The following EPS8 variants were observed in gnomAD, a reference collection of about 807,000 sequenced individuals.
The protein encoded by EPS8 is epidermal growth factor receptor kinase substrate 8.
A neutral mutation model predicts 103.8 loss-of-function variants in EPS8; 42 were observed. The ratio of observed to expected loss-of-function variants is 0.40; its 90% confidence interval spans 0.32 to 0.52. EPS8 has a LOEUF of 0.52. Ranked by LOEUF, EPS8 falls within the 20% of genes least tolerant of loss-of-function variation. EPS8 has a pLI of 0.40. For synonymous variants in EPS8, 344 were observed against 344.6 expected (o/e 1.00, Z 0.02); for missense variants, 969 against 1,005.1 (o/e 0.96, Z 0.49).
chr12:15,634,041 A>C (rs1034896073), intron 17 of EPS8, among the ~76,000 whole-genome samples: 17 of 152,186 alleles, frequency 1.1e-4, no homozygotes, highest in Non-Finnish European at 2.9e-5. Flanking sequence ...CAGTTTACGT[A>C]ATGTCTTGGA....
In EPS8 at chr12:15,690,417, A is replaced by G. The variant is rs376799883; in HGVS notation, c.-21-7445T>C. 6.4e-4 allele frequency among the ~76,000 whole-genome samples: 98 copies of G among 152,298 alleles called. No individual in the cohort carries two copies. The South Asian group carries it at 7.7e-3, about 12-fold the overall frequency. ...CTTTCTAGTGTATTATAATGCACAT[A>G]CTTACACTACCCCCAAACTACTTCT... On this transcript the variant is annotated intron_variant, in intron 1 of 20. Transcript: ENST00000281172. The surrounding 1 kb of genome is among the most constrained non-coding windows in gnomAD (Gnocchi z 4.7).
chr12:15,687,552 A>T (rs570463888), intron 1 of EPS8, among the ~76,000 whole-genome samples: 1 of 152,316 alleles, frequency 6.6e-6, no homozygotes, highest in South Asian at 2.1e-4. Flanking sequence ...AAAGTCTATG[A>T]TCAAATCAGA....
At chr12:15,647,329 A>G in intron 14 of EPS8, 69 bp from the exon 15 acceptor site, 1 of 1,364,874 alleles carries the variant, frequency 7.3e-7, no homozygotes, top group Non-Finnish European at 1.0e-6. Context: ...AGGTCAGTCA[A>G]CAAGATCTCT....
intron 13 of EPS8, among the ~76,000 whole-genome samples, chr12:15,652,917 C>T (rs1009650948): frequency 6.6e-6 from 1 of 151,890 alleles, no homozygotes; most frequent in African/African-American, 2.4e-5. Flanking sequence ...GTCTAAGTGG[C>T]CATACTAAGT....
At chr12:15,687,353 C>T (rs1946110190) in intron 1 of EPS8, among the ~76,000 whole-genome samples, 1 of 152,076 alleles carries the variant, frequency 6.6e-6, no homozygotes, top group African/African-American at 2.4e-5. Flanking sequence ...TGGTTAATGC[C>T]TGTGAAGGTA....
chr12:15,646,982 T>C (rs1345411170), intron 15 of EPS8, 145 bp downstream of exon 15: 2 of 739,986 alleles, frequency 2.7e-6, no homozygotes, highest in South Asian at 3.4e-5. Context: ...ACCAGTTCTC[T>C]AAAGGAACAA....
chr12:15,690,112 A>T lies in EPS8; in HGVS notation c.-21-7140T>A, dbSNP rs995053480. 2.0e-5 allele frequency among the ~76,000 whole-genome samples: 3 copies of T among 152,226 alleles called. No individual in the cohort carries two copies. Among genetic ancestry groups the T allele is most frequent in the Non-Finnish European group, 4.4e-5 (3 of 68,036 alleles). Reference sequence around the variant, plus strand: ...CTCTGCATCACCTAGAGCAAAGGACATTAAGCAGCAAACAAAATACTGCAG... The same window carrying T: ...CTCTGCATCACCTAGAGCAAAGGACTTTAAGCAGCAAACAAAATACTGCAG... On this transcript the variant is annotated intron_variant, in intron 1 of 20. Transcript: ENST00000281172. The surrounding 1 kb of genome is among the most constrained non-coding windows in gnomAD (Gnocchi z 4.7).
intron 8 of EPS8, among the ~76,000 whole-genome samples, chr12:15,663,941 A>AATAATAAT (rs1555112152): frequency 5.5e-5 from 4 of 73,276 alleles, no homozygotes; most frequent in Non-Finnish European, 1.0e-4. Context: ...AAAAAAAAAA[A>AATAATAAT]AAAAATAATA....
rs1027956185 is a variant in EPS8 at position 15,771,088 on chromosome 12, T to C, written c.-22+18073A>G. ...GCCTAGGCGATCCTGAGAAAAAAAATATTAAGTGGGAGAGGTACCAAAGAA... is the reference window on the plus strand; with the variant it reads ...GCCTAGGCGATCCTGAGAAAAAAAACATTAAGTGGGAGAGGTACCAAAGAA... On this transcript the variant is annotated intron_variant, in intron 1 of 20. Transcript: ENST00000281172. This position sits in a 1 kb window ranked among gnomAD's most constrained non-coding sequence, Gnocchi z 4.6. Among the ~76,000 whole-genome samples the C allele has an allele frequency of 1.3e-5, 2 of 151,852 alleles. No individual in the cohort carries two copies. Among genetic ancestry groups the C allele is most frequent in the Admixed American group, 6.6e-5 (1 of 15,238 alleles).
chr12:15,653,741 G>T (rs1161051808), intron 13 of EPS8, among the ~76,000 whole-genome samples: 1 of 152,152 alleles, frequency 6.6e-6, no homozygotes, highest in African/African-American at 2.4e-5. Flanking sequence ...TTCCTCATCT[G>T]CAAAATAGGG....
intron 12 of EPS8, 101 bp downstream of exon 12, chr12:15,657,978 A>T: frequency 1.4e-6 from 1 of 714,926 alleles, no homozygotes; most frequent in Non-Finnish European, 2.5e-6. Context: ...AATAGTACCC[A>T]CGCAAGGTAA....
In EPS8 at chr12:15,640,835, A is replaced by G. The variant is rs369420802; in HGVS notation, c.1689T>C (p.Asp563=). ...LKDDILEILD[D]RKQWWKVRNA... ...TTCGAACTTTCCACCATTGCTTCCG[A>G]TCATCAAGTATCTGTCATGTACAAG... is the stretch of plus-strand genomic sequence containing the variant. The change falls in exon 17 of 21, where the codon GAT becomes GAC. Residue 563 remains aspartate (D), a synonymous_variant. Coordinates refer to ENST00000281172, the MANE Select transcript of EPS8 (RefSeq NM_004447.6). 356 of 1,613,538 alleles carry G rather than the reference A, an allele frequency of 2.2e-4. No individual in the cohort carries two copies. The highest frequency in any genetic ancestry group is 2.8e-4 in the Non-Finnish European group (332 of 1,179,816).
rs1476943617 is a variant in EPS8 at position 15,698,460 on chromosome 12, T to A, written c.-21-15488A>T. Among the ~76,000 whole-genome samples the A allele has an allele frequency of 1.3e-5, 2 of 151,774 alleles. No individual in the cohort carries two copies. The highest frequency in any genetic ancestry group is 2.9e-5 in the Non-Finnish European group (2 of 67,980). ...ACCTCATCCACACAGTAAACAGACA[T>A]CTCTCTCCTCCAGCCTCTCCATCTT... On this transcript the variant is annotated intron_variant, in intron 1 of 20. Coordinates refer to ENST00000281172, the MANE Select transcript of EPS8 (RefSeq NM_004447.6). This position sits in a 1 kb window ranked among gnomAD's most constrained non-coding sequence, Gnocchi z 4.9.
At chr12:15,742,068 A>C (rs552738099) in intron 1 of EPS8, among the ~76,000 whole-genome samples, 1 of 152,300 alleles carries the variant, frequency 6.6e-6, no homozygotes, top group South Asian at 2.1e-4. Context: ...GCTGCATAGT[A>C]TTCCATGGTG....
At chr12:15,766,773 A>G (rs941346873) in intron 1 of EPS8, among the ~76,000 whole-genome samples, 5 of 152,196 alleles carry the variant, frequency 3.3e-5, no homozygotes, top group African/African-American at 1.2e-4. Context: ...ATTGATTTTC[A>G]TCCAGGCTTA....
At chr12:15,663,753 T>C (rs914651698) in intron 8 of EPS8, among the ~76,000 whole-genome samples, 2 of 150,466 alleles carry the variant, frequency 1.3e-5, no homozygotes, top group South Asian at 2.1e-4. Context: ...TGAAACTCCA[T>C]CTCTACTAAA....
At chr12:15,686,276 T>C (rs12821383) in intron 1 of EPS8, among the ~76,000 whole-genome samples, 12,597 of 152,262 alleles carry the variant, frequency 0.083, 776 homozygotes, top group Non-Finnish European at 0.13. Flanking sequence ...ATAATACATA[T>C]ACAAAATACG....
rs1026603004 is a variant in EPS8, at chr12:15,759,840, G to A, written c.-22+29321C>T. On this transcript the variant is annotated intron_variant, in intron 1 of 20. Coordinates refer to ENST00000281172, the MANE Select transcript of EPS8 (RefSeq NM_004447.6). The surrounding 1 kb of genome is among the most constrained non-coding windows in gnomAD (Gnocchi z 4.9). ...AGCAGTACTAACAGGAAAGTTTATAGCTATAAGTGCCTACATCAAAAAAGA... is the reference window on the plus strand; with the variant it reads ...AGCAGTACTAACAGGAAAGTTTATAACTATAAGTGCCTACATCAAAAAAGA... Among the ~76,000 whole-genome samples the A allele has an allele frequency of 6.6e-6, 1 of 151,936 alleles. No homozygotes were observed. Among genetic ancestry groups the A allele is most frequent in the Non-Finnish European group, 1.5e-5 (1 of 67,928 alleles).
intron 1 of EPS8, among the ~76,000 whole-genome samples, chr12:15,692,120 C>A (rs1408194980): frequency 2.6e-5 from 4 of 152,174 alleles, no homozygotes; most frequent in African/African-American, 9.7e-5. Flanking sequence ...TGGAGCCTTA[C>A]TTCCTGGATC....
Sources: gnomAD v4.1 joint callset for allele counts (sites outside exome capture counted in the v4.1 genomes callset) on GRCh38, gnomAD v4.1.1 for gene constraint, Gnocchi (gnomAD v3.1) non-coding constraint, MANE v1.5 for transcripts, NCBI Gene and HGNC (gene_info 2026-07-23, HGNC 2026-07-21) for gene names.